Variants in SCG5 observed in about 807,000 individuals in gnomAD.
The protein encoded by SCG5 is secretogranin V.
A neutral mutation model predicts 25.7 loss-of-function variants in SCG5; 18 were observed. That is an observed-to-expected ratio of 0.70 (90% CI 0.48 to 1.04). SCG5 has a LOEUF of 1.04. Ranked by LOEUF, SCG5 falls within the 50% of genes least tolerant of loss-of-function variation. The pLI is 0.00. For missense variants in SCG5, 206 were observed against 259.8 expected (o/e 0.79, Z 1.42); for synonymous variants, 101 against 91.7 (o/e 1.10, Z -0.58).
chr15:32,680,887 T>C (rs921749465), intron 3 of SCG5, among the ~76,000 whole-genome samples: 1 of 152,060 alleles, frequency 6.6e-6, no homozygotes, highest in Non-Finnish European at 1.5e-5. Flanking sequence ...TGGTTAAGAG[T>C]AGTGGCTCTA....
chr15:32,647,514 AC>A (rs142352868), intron 2 of SCG5, among the ~76,000 whole-genome samples: 6 of 152,294 alleles, frequency 3.9e-5, no homozygotes, highest in East Asian at 1.9e-4. Flanking sequence ...ATTAAAAAAA[AC>A]ATATCTTCTT....
chr15:32,655,104 C>G lies in SCG5; in HGVS notation c.226+11286C>G, dbSNP rs1046545355. 3.9e-5 allele frequency among the ~76,000 whole-genome samples: 6 copies of G among 152,054 alleles called. No homozygotes were observed. The East Asian group carries it at 7.7e-4, about 20-fold the overall frequency. On this transcript the variant is annotated intron_variant, in intron 2 of 5. Transcript: ENST00000300175. Reference sequence around the variant, plus strand: ...CGGGCGGATCACAGGGTCAGGAGATCGAGACCATCCTGGCTAACACGGTGA... The same window carrying G: ...CGGGCGGATCACAGGGTCAGGAGATGGAGACCATCCTGGCTAACACGGTGA...
At chr15:32,686,322 G>T (rs965134135) in intron 4 of SCG5, among the ~76,000 whole-genome samples, 1 of 152,182 alleles carries the variant, frequency 6.6e-6, no homozygotes, top group Non-Finnish European at 1.5e-5. Context: ...ATTAAAGGAT[G>T]AAGTAAAAGG....
intron 3 of SCG5, among the ~76,000 whole-genome samples, chr15:32,682,337 C>T (rs978376736): frequency 9.2e-5 from 14 of 152,166 alleles, no homozygotes; most frequent in African/African-American, 3.1e-4. Context: ...GAGTTTGAGC[C>T]AAGAGATCTG....
intron 2 of SCG5, among the ~76,000 whole-genome samples, chr15:32,654,919 A>G (rs1197068272): frequency 6.6e-6 from 1 of 152,170 alleles, no homozygotes; most frequent in Non-Finnish European, 1.5e-5. Flanking sequence ...ACATGTAAAT[A>G]TATCTGGAGC....
intron 2 of SCG5, among the ~76,000 whole-genome samples, chr15:32,675,459 C>T (rs1409515912): frequency 3.3e-5 from 5 of 152,190 alleles, no homozygotes; most frequent in Non-Finnish European, 7.3e-5. Flanking sequence ...TAGCTTTGTA[C>T]AATGGTCTGT....
intron 2 of SCG5, among the ~76,000 whole-genome samples, chr15:32,678,653 T>C (rs1253469785): frequency 6.6e-6 from 1 of 152,216 alleles, no homozygotes; most frequent in Admixed American, 6.5e-5. Context: ...GTCATTAAAA[T>C]GTTTTATAGC....
intron 2 of SCG5, among the ~76,000 whole-genome samples, chr15:32,648,688 G>A (rs1378663794): frequency 6.6e-6 from 1 of 151,590 alleles, no homozygotes; most frequent in African/African-American, 2.4e-5. Flanking sequence ...CTTGTGTAGC[G>A]AGTTTCAAAG....
intron 3 of SCG5, among the ~76,000 whole-genome samples, chr15:32,682,132 G>A (rs2054630740): frequency 1.3e-5 from 2 of 152,146 alleles, no homozygotes; most frequent in African/African-American, 4.8e-5. Flanking sequence ...CTTAAAGTGT[G>A]ATTCCAGGAC....
chr15:32,648,496 A>G (rs1196080088), intron 2 of SCG5, among the ~76,000 whole-genome samples: 1 of 152,076 alleles, frequency 6.6e-6, no homozygotes, highest in African/African-American at 2.4e-5. Context: ...GTGGCTTCCC[A>G]TCGTACCCTG....
chr15:32,692,999 C>T (rs1306162572), intron 5 of SCG5, among the ~76,000 whole-genome samples: 1 of 152,026 alleles, frequency 6.6e-6, no homozygotes, highest in Non-Finnish European at 1.5e-5. Context: ...TTACAGCTTC[C>T]AATAGCAGAT....
chr15:32,682,148 G>C (rs1026631880), intron 3 of SCG5, among the ~76,000 whole-genome samples: 17 of 152,158 alleles, frequency 1.1e-4, no homozygotes, highest in African/African-American at 3.6e-4. Flanking sequence ...AGGACCACCA[G>C]CAGCAGCAGC....
chr15:32,646,420 A>G (rs2053945152), intron 2 of SCG5, among the ~76,000 whole-genome samples: 1 of 152,168 alleles, frequency 6.6e-6, no homozygotes, highest in African/African-American at 2.4e-5. Flanking sequence ...CTGTCAGCCA[A>G]CCAAAGCCCC....
At position 32,696,395 on chromosome 15, in the gene SCG5, G is replaced by C. The variant is rs3825861; in HGVS notation, c.544-119G>C. On this transcript the variant is annotated intron_variant, in intron 5 of 5. Coordinates refer to ENST00000300175, the MANE Select transcript of SCG5 (RefSeq NM_001144757.3). Reference sequence around the variant, plus strand: ...GCCTCCCAAAGTGCTGGGATTACAGGCGTGAGCCACCGCGCCCGGCCCCAG... The same window carrying C: ...GCCTCCCAAAGTGCTGGGATTACAGCCGTGAGCCACCGCGCCCGGCCCCAG... The C allele has an allele frequency of 4.5e-6, 3 of 664,488 alleles. No individual in the cohort carries two copies. The African/African-American group carries it at 5.4e-5, about 12-fold the overall frequency. 41.2% of individuals were successfully genotyped at this position (664,488 alleles called of 1,614,324 possible).
At chr15:32,660,419 T>A (rs528072728) in intron 2 of SCG5, among the ~76,000 whole-genome samples, 14 of 152,302 alleles carry the variant, frequency 9.2e-5, no homozygotes, top group African/African-American at 3.4e-4. Context: ...CTCATTCGGT[T>A]TGGACATCAA....
At chr15:32,686,040 G>C (rs1167518067) in intron 4 of SCG5, among the ~76,000 whole-genome samples, 1 of 152,136 alleles carries the variant, frequency 6.6e-6, no homozygotes. Flanking sequence ...TGCATTGTCA[G>C]TTCCCTCTGT....
chr15:32,667,030 A>G (rs1318275149), intron 2 of SCG5, among the ~76,000 whole-genome samples: 1 of 152,266 alleles, frequency 6.6e-6, no homozygotes, highest in Non-Finnish European at 1.5e-5. Flanking sequence ...TATGCAAAAA[A>G]GAATATAAAA....
At chr15:32,652,612 G>A (rs1258576369) in intron 2 of SCG5, among the ~76,000 whole-genome samples, 1 of 152,144 alleles carries the variant, frequency 6.6e-6, no homozygotes, top group Non-Finnish European at 1.5e-5. Context: ...AAGGAAAGTG[G>A]CAAAGGTGTG....
chr15:32,682,519 C>G (rs1481149529), intron 3 of SCG5, among the ~76,000 whole-genome samples: 1 of 152,208 alleles, frequency 6.6e-6, no homozygotes, highest in Non-Finnish European at 1.5e-5. Flanking sequence ...GAATCAAGCT[C>G]TAGTCTGTGC....
Sources: gnomAD v4.1 joint callset for allele counts (sites outside exome capture counted in the v4.1 genomes callset) on GRCh38, gnomAD v4.1.1 for gene constraint, MANE v1.5 for transcripts, NCBI Gene and HGNC (gene_info 2026-07-23, HGNC 2026-07-21) for gene names.